Variants in SCLT1 observed in about 807,000 individuals in gnomAD.
The protein encoded by SCLT1 is sodium channel-associated protein 1.
SCLT1 carries 78 observed loss-of-function variants against 112.8 expected under a neutral mutation model. That is an observed-to-expected ratio of 0.69 (90% confidence interval 0.58 to 0.83). The LOEUF (loss-of-function observed/expected upper bound fraction) is 0.83, where lower values mean the gene tolerates loss of function less well. Ranked by LOEUF, SCLT1 falls within the 40% of genes least tolerant of loss-of-function variation. SCLT1 has a pLI of 0.00. For missense variants in SCLT1, 747 were observed against 770.4 expected, an observed-to-expected ratio of 0.97 and a Z score of 0.36; for synonymous variants, 257 against 254.7, an observed-to-expected ratio of 1.01 and a Z score of -0.09.
chr4:128,974,935 ATTACT>A (rs1309414964), intron 9 of SCLT1, among the ~76,000 whole-genome samples: 1 of 151,420 alleles, frequency 6.6e-6, no homozygotes, highest in Non-Finnish European at 1.5e-5. Flanking sequence ...TAAAAAGTAC[ATTACT>A]TTATTTTCAG....
chr4:128,959,589 A>G lies in SCLT1; in HGVS notation c.1047+11T>C. 6.2e-7 allele frequency: 1 copy of G among 1,603,012 alleles called. No individual in the cohort carries two copies. The highest frequency in any genetic ancestry group is 8.5e-7 in the Non-Finnish European group (1 of 1,171,232). On this transcript the variant is annotated intron_variant, in intron 12 of 20. Coordinates refer to ENST00000281142, the MANE Select transcript of SCLT1 (RefSeq NM_144643.4). The stretch of plus-strand genomic sequence containing the variant: ...TTTATTATATCTAAACATATTTACT[A>G]GCTTTCTTACCTGACTTTTTTGAAG...
chr4:128,891,451 G>A (rs1733314194), intron 18 of SCLT1, among the ~76,000 whole-genome samples: 1 of 151,676 alleles, frequency 6.6e-6, no homozygotes, highest in African/African-American at 2.4e-5. Flanking sequence ...AATTAAAATG[G>A]TAAATTTTAT....
At chr4:129,017,482 G>A (rs997789610) in intron 5 of SCLT1, among the ~76,000 whole-genome samples, 2 of 151,952 alleles carry the variant, frequency 1.3e-5, no homozygotes, top group Admixed American at 6.6e-5. Flanking sequence ...CATATTGGCA[G>A]TATAATTAAG....
intron 18 of SCLT1, among the ~76,000 whole-genome samples, chr4:128,928,304 G>A (rs1736463951): frequency 6.6e-6 from 1 of 152,002 alleles, no homozygotes; most frequent in Non-Finnish European, 1.5e-5. Context: ...TAACTTGAGA[G>A]TTCAAGAAAG....
chr4:128,983,921 C>G (rs1018884506), intron 9 of SCLT1, among the ~76,000 whole-genome samples: 10 of 152,064 alleles, frequency 6.6e-5, no homozygotes, highest in African/African-American at 2.4e-4. Context: ...TGTCAATATG[C>G]CCATCATTCA....
At chr4:129,091,393 C>G (rs1269213772) in intron 1 of SCLT1, among the ~76,000 whole-genome samples, 1 of 151,866 alleles carries the variant, frequency 6.6e-6, no homozygotes, top group East Asian at 1.9e-4. Context: ...AAAAATGTTA[C>G]TATGCTTCAG....
chr4:128,947,751 A>T (rs1203104522), intron 15 of SCLT1, among the ~76,000 whole-genome samples: 1 of 152,220 alleles, frequency 6.6e-6, no homozygotes, highest in Non-Finnish European at 1.5e-5. Flanking sequence ...TTCTCCCTAT[A>T]GTTTTTCTGA....
At chr4:129,014,099 T>C (rs1359311208) in intron 5 of SCLT1, among the ~76,000 whole-genome samples, 1 of 152,242 alleles carries the variant, frequency 6.6e-6, no homozygotes, top group Non-Finnish European at 1.5e-5. Flanking sequence ...TGATCTATTC[T>C]GCTTTTAATA....
At chr4:128,975,040 C>T (rs373341062) in intron 9 of SCLT1, among the ~76,000 whole-genome samples, 81 of 87,028 alleles carry the variant, frequency 9.3e-4, no homozygotes, top group South Asian at 1.5e-3. Context: ...TGAATGACAA[C>T]TTTTTTTTTT....
chr4:129,061,513 A>T (rs1430534762), intron 2 of SCLT1, among the ~76,000 whole-genome samples: 1 of 152,136 alleles, frequency 6.6e-6, no homozygotes, highest in Admixed American at 6.5e-5. Flanking sequence ...GGGGACAATG[A>T]GCATTCTGAG....
intron 1 of SCLT1, among the ~76,000 whole-genome samples, chr4:129,091,607 C>G (rs375670918): frequency 1.3e-5 from 2 of 152,172 alleles, no homozygotes; most frequent in South Asian, 4.2e-4. Flanking sequence ...ATTCCCACTG[C>G]AAACCTAAGA....
At chr4:128,912,482 T>G (rs1735176994) in intron 18 of SCLT1, among the ~76,000 whole-genome samples, 2 of 152,194 alleles carry the variant, frequency 1.3e-5, no homozygotes. Flanking sequence ...TTATGACCAA[T>G]AGGTAAGATA....
At chr4:128,944,023 C>T (rs1458849060) in intron 16 of SCLT1, among the ~76,000 whole-genome samples, 1 of 152,134 alleles carries the variant, frequency 6.6e-6, no homozygotes, top group Non-Finnish European at 1.5e-5. Context: ...TCACCATGAA[C>T]CACTCCTTCT....
chr4:128,957,962 C>G (rs984502370), intron 12 of SCLT1, among the ~76,000 whole-genome samples: 6 of 152,140 alleles, frequency 3.9e-5, no homozygotes, highest in South Asian at 2.1e-4. Context: ...CCTCTTAATA[C>G]TGGACTACCC....
intron 18 of SCLT1, among the ~76,000 whole-genome samples, chr4:128,914,494 A>G (rs17349255): frequency 0.18 from 27,652 of 152,228 alleles, 2,999 homozygotes; most frequent in East Asian, 0.33. Context: ...TTGGACATAC[A>G]TGTGAAACCA....
At chr4:128,902,464 G>A (rs1415846019) in intron 18 of SCLT1, among the ~76,000 whole-genome samples, 1 of 152,148 alleles carries the variant, frequency 6.6e-6, no homozygotes, top group Non-Finnish European at 1.5e-5. Flanking sequence ...CTGTAGTGAA[G>A]ACTGTAAACA....
intron 18 of SCLT1, among the ~76,000 whole-genome samples, chr4:128,916,620 T>A (rs1352781858): frequency 6.6e-6 from 1 of 152,180 alleles, no homozygotes; most frequent in Non-Finnish European, 1.5e-5. Context: ...AGTTAAAAAT[T>A]ACGGTACATT....
At chr4:129,028,170 A>C (rs1319619419) in intron 5 of SCLT1, among the ~76,000 whole-genome samples, 1 of 152,208 alleles carries the variant, frequency 6.6e-6, no homozygotes, top group South Asian at 2.1e-4. Flanking sequence ...GAACTGGAAA[A>C]AACTACTTGA....
At chr4:128,982,016 T>A (rs1044045555) in intron 9 of SCLT1, among the ~76,000 whole-genome samples, 1 of 150,020 alleles carries the variant, frequency 6.7e-6, no homozygotes, top group African/African-American at 2.4e-5. Context: ...GCAGCTCAGA[T>A]GAGAAAGTGA....
Sources: allele counts gnomAD v4.1 joint callset (sites outside exome capture counted in the v4.1 genomes callset), GRCh38; gene constraint gnomAD v4.1.1; transcripts MANE v1.5; gene names NCBI Gene and HGNC (gene_info 2026-07-23, HGNC 2026-07-21).